PLAGL1: variants seen among roughly 807,000 people sequenced by gnomAD.
PLAGL1 encodes the protein zinc finger protein PLAGL1.
Under a neutral mutation model 4.6 loss-of-function variants are expected in PLAGL1, and 1 was observed. The ratio of observed to expected loss-of-function variants is 0.22; its 90% CI spans 0.08 to 1.03. The LOEUF is 1.03. Among genes scored for constraint, PLAGL1 ranks in the 50% least tolerant of loss-of-function variants. The pLI is 0.58. For missense variants in PLAGL1, 464 were observed against 570.4 expected (o/e 0.81, Z 1.90); for synonymous variants, 240 against 237.8 (o/e 1.01, Z -0.08).
chr6:144,027,112 T>C lies in PLAGL1; in HGVS notation c.-151+37356A>G, dbSNP rs1350681342. Among the ~76,000 whole-genome samples, 1 of 151,934 alleles carries C rather than the reference T, an allele frequency of 6.6e-6. No individual in the cohort carries two copies. The highest frequency in any genetic ancestry group is 1.5e-5 in the Non-Finnish European group (1 of 67,982). ...GGTGGCATGCATCTGTGATCCCAGC[T>C]ACTCAGGAGGCTGAGGTGGGAGGAT... On this transcript the variant is annotated intron_variant, in intron 1 of 3. Transcript: ENST00000437412. The surrounding 1 kb of genome is among the most constrained non-coding windows in gnomAD (Gnocchi z 5.8).
rs1209192058 is a variant in PLAGL1, at chr6:143,983,264, C to T, written c.-544+1871G>A. Among the ~76,000 whole-genome samples, 1 of 152,130 alleles carries T rather than the reference C, an allele frequency of 6.6e-6. No homozygotes were observed. The highest frequency in any genetic ancestry group is 1.5e-5 in the Non-Finnish European group (1 of 68,012). On this transcript the variant is annotated intron_variant, in intron 2 of 7. Transcript: ENST00000674357. The surrounding 1 kb of genome is among the most constrained non-coding windows in gnomAD (Gnocchi z 6.6). ...GACTGAGAATTAATGGTTGAGTTTG[C>T]AATATGAAGGTCGCTGGTGACACTT...
upstream of PLAGL1, among the ~76,000 whole-genome samples, chr6:144,012,576 G>A (rs1172264127): frequency 1.3e-5 from 2 of 152,128 alleles, no homozygotes; most frequent in Admixed American, 6.5e-5. This position sits in a 1 kb window ranked among gnomAD's most constrained non-coding sequence, Gnocchi z 4.8. Flanking sequence ...GTGCTTCCTT[G>A]TGCCATCTTT....
intron 1 of PLAGL1, among the ~76,000 whole-genome samples, chr6:144,030,249 C>T (rs1376384371): frequency 6.7e-5 from 5 of 74,548 alleles, no homozygotes; most frequent in Non-Finnish European, 6.8e-5. Context: ...AGCGAGACTC[C>T]GTCTCAAAAA....
Position 143,959,321 on chromosome 6 carries a change from G to T in PLAGL1, c.-325+1148C>A, listed in dbSNP as rs1360696177. On this transcript the variant is annotated intron_variant, in intron 6 of 7. Transcript: ENST00000674357. The surrounding 1 kb of genome is among the most constrained non-coding windows in gnomAD (Gnocchi z 5.3). Reference sequence around the variant, plus strand: ...CCACCTGTTCGCAGCCCATGGACTCGCCACTGAATACTTCGGCAGACACAT... The same window carrying T: ...CCACCTGTTCGCAGCCCATGGACTCTCCACTGAATACTTCGGCAGACACAT... Among the ~76,000 whole-genome samples, 2 of 152,060 alleles carry T rather than the reference G, an allele frequency of 1.3e-5. No homozygotes were observed. Among genetic ancestry groups the T allele is most frequent in the South Asian group, 4.2e-4 (2 of 4,808 alleles).
chr6:144,021,094 T>C (rs1335262831), intron 1 of PLAGL1, among the ~76,000 whole-genome samples: 3 of 152,012 alleles, frequency 2.0e-5, no homozygotes, highest in Non-Finnish European at 4.4e-5. Context: ...GCCTGTACTA[T>C]GCTCCTCCCA....
In PLAGL1 at chr6:143,942,141, G is replaced by A. The variant is rs1440436992; in HGVS notation, c.675C>T (p.Phe225=). The change falls in exon 8 of 8, where the codon TTC becomes TTT. Residue 225 remains phenylalanine (F), a synonymous_variant. Transcript: ENST00000674357. This position sits in a 1 kb window ranked among gnomAD's most constrained non-coding sequence, Gnocchi z 7.6. ...SLQTGDLLST[F]HTISPSFQLK... ...GTTGGAATGAAGGCGAGATGGTGTG[G>A]AAGGTGCTCAGAAGGTCTCCGGTCT... The A allele has an allele frequency of 1.2e-6, 2 of 1,614,064 alleles. No individual in the cohort carries two copies. Among genetic ancestry groups the A allele is most frequent in the East Asian group, 2.2e-5 (1 of 44,888 alleles).
rs1323070507 is a variant in PLAGL1 at position 143,955,269 on chromosome 6, G to A, written c.-325+5200C>T. Among the ~76,000 whole-genome samples, 2 of 152,184 alleles carry A rather than the reference G, an allele frequency of 1.3e-5. No individual in the cohort carries two copies. Among genetic ancestry groups the A allele is most frequent in the Non-Finnish European group, 2.9e-5 (2 of 68,036 alleles). ...AGGGAGGTGGTCTATTTCAGGCCAA[G>A]GGAATGAATCCAACCACCTGGAGAA... On this transcript the variant is annotated intron_variant, in intron 6 of 7. Transcript: ENST00000674357. This position sits in a 1 kb window ranked among gnomAD's most constrained non-coding sequence, Gnocchi z 4.9.
chr6:144,023,484 G>A (rs990128058), intron 1 of PLAGL1, among the ~76,000 whole-genome samples: 1 of 152,170 alleles, frequency 6.6e-6, no homozygotes, highest in African/African-American at 2.4e-5. Flanking sequence ...GGAAAAAAAG[G>A]TGCTGATCTA....
upstream of PLAGL1, among the ~76,000 whole-genome samples, chr6:144,013,054 A>C (rs1250050404): frequency 2.0e-5 from 3 of 152,240 alleles, no homozygotes; most frequent in Non-Finnish European, 4.4e-5. This position sits in a 1 kb window ranked among gnomAD's most constrained non-coding sequence, Gnocchi z 4.4. Flanking sequence ...AACTGGACCC[A>C]AGGGTTGCCA....
At chr6:144,045,000 C>CTTTT (rs138373370) in intron 1 of PLAGL1, among the ~76,000 whole-genome samples, 3,032 of 47,322 alleles carry the variant, frequency 0.064, 617 homozygotes, top group African/African-American at 0.24. Flanking sequence ...GCAACCCCTG[C>CTTTT]TTTTTTTTTT....
intron 1 of PLAGL1, among the ~76,000 whole-genome samples, chr6:144,030,249 C>A (rs1376384371): frequency 8.0e-5 from 6 of 74,554 alleles, no homozygotes; most frequent in African/African-American, 3.9e-4. Flanking sequence ...AGCGAGACTC[C>A]GTCTCAAAAA....
At position 143,953,370 on chromosome 6, in the gene PLAGL1, A is replaced by C. The variant is rs941541646; in HGVS notation, c.-324-4910T>G. 1.3e-5 allele frequency among the ~76,000 whole-genome samples: 2 copies of C among 152,226 alleles called. No individual in the cohort carries two copies. The highest frequency in any genetic ancestry group is 1.3e-4 in the Admixed American group (2 of 15,286). On this transcript the variant is annotated intron_variant, in intron 6 of 7. Transcript: ENST00000674357. The surrounding 1 kb of genome is among the most constrained non-coding windows in gnomAD (Gnocchi z 5.3). The stretch of plus-strand genomic sequence containing the variant: ...TTGAAAGACTGAATTTTGTTAACCC[A>C]GTGACTAAGCTCTTACTTTCTAAGA...
rs1472857105 is a variant in PLAGL1, at chr6:144,061,604, A to G, written c.-151+2864T>C. Among the ~76,000 whole-genome samples the G allele has an allele frequency of 1.3e-5, 2 of 152,244 alleles. No homozygotes were observed. Among genetic ancestry groups the G allele is most frequent in the East Asian group, 3.8e-4 (2 of 5,208 alleles). ...TGTTTAGCCCATGTTTAACTTCCAC[A>G]TTATACTGCCTCCCTCTATATTTTG... On this transcript the variant is annotated intron_variant, in intron 1 of 3. Transcript: ENST00000437412. The surrounding 1 kb of genome is among the most constrained non-coding windows in gnomAD (Gnocchi z 4.4).
intron 1 of PLAGL1, among the ~76,000 whole-genome samples, chr6:144,025,984 A>G (rs1796314248): frequency 6.6e-6 from 1 of 152,192 alleles, no homozygotes; most frequent in African/African-American, 2.4e-5. Flanking sequence ...CCACATATAT[A>G]ACACGAATAC....
rs1340057550 is a variant in PLAGL1, at chr6:144,050,239, C to A, written c.-151+14229G>T. On this transcript the variant is annotated intron_variant, in intron 1 of 3. Coordinates refer to the PLAGL1 transcript ENST00000437412. This position sits in a 1 kb window ranked among gnomAD's most constrained non-coding sequence, Gnocchi z 4.3. ...AACGTACTCATTCCAGGACAATACA[C>A]CCACTGTGTGACATGCTAGGGGCAA... Among the ~76,000 whole-genome samples the A allele has an allele frequency of 1.3e-5, 2 of 152,104 alleles. No homozygotes were observed. The highest frequency in any genetic ancestry group is 2.9e-5 in the Non-Finnish European group (2 of 68,030).
At chr6:144,017,067 A>G (rs771384742) in intron 1 of PLAGL1, among the ~76,000 whole-genome samples, 2 of 152,208 alleles carry the variant, frequency 1.3e-5, no homozygotes, top group African/African-American at 4.8e-5. Flanking sequence ...CAGTCCTTCA[A>G]ACAGATTGTG....
In PLAGL1 at chr6:143,960,246, T is replaced by C. The variant is rs1783098421; in HGVS notation, c.-325+223A>G. On this transcript the variant is annotated intron_variant, in intron 6 of 7. Coordinates refer to ENST00000674357, the MANE Select transcript of PLAGL1 (RefSeq NM_001317162.2). This position sits in a 1 kb window ranked among gnomAD's most constrained non-coding sequence, Gnocchi z 5.7. ...AGGTCATGAAAAGTTGCTAACTGCA[T>C]CATCCAATTCCCTGAAACACATGTG... is the stretch of plus-strand genomic sequence containing the variant. Among the ~76,000 whole-genome samples, 1 of 152,200 alleles carries C rather than the reference T, an allele frequency of 6.6e-6. No homozygotes were observed. Among genetic ancestry groups the C allele is most frequent in the East Asian group, 1.9e-4 (1 of 5,198 alleles).
intron 6 of PLAGL1, among the ~76,000 whole-genome samples, chr6:143,951,323 A>C (rs1296739320): frequency 2.6e-5 from 4 of 152,232 alleles, no homozygotes; most frequent in Admixed American, 2.6e-4. Context: ...CTAACCATTT[A>C]GCTATGGATG....
upstream of PLAGL1, among the ~76,000 whole-genome samples, chr6:144,013,055 A>G (rs1189314338): frequency 6.6e-6 from 1 of 152,236 alleles, no homozygotes; most frequent in Non-Finnish European, 1.5e-5. This position sits in a 1 kb window ranked among gnomAD's most constrained non-coding sequence, Gnocchi z 4.4. Flanking sequence ...ACTGGACCCA[A>G]GGGTTGCCAG....
Sources: gnomAD v4.1 joint callset for allele counts (sites outside exome capture counted in the v4.1 genomes callset) on GRCh38, gnomAD v4.1.1 for gene constraint, Gnocchi (gnomAD v3.1) non-coding constraint, MANE v1.5 for transcripts, NCBI Gene and HGNC (gene_info 2026-07-23, HGNC 2026-07-21) for gene names.